Variants in CRACR2A observed in about 807,000 individuals in gnomAD.
CRACR2A encodes the protein EF-hand calcium-binding domain-containing protein 4B.
In CRACR2A, 79 loss-of-function variants were observed where a neutral mutation model predicts 90.5. That is an observed-to-expected ratio of 0.87 (90% CI 0.73 to 1.05). CRACR2A has a LOEUF of 1.05. Ranked by LOEUF, CRACR2A falls within the 50% of genes least tolerant of loss-of-function variation. The pLI is 0.00. For synonymous variants in CRACR2A, 338 were observed against 356.7 expected (o/e 0.95, Z 0.59); for missense variants, 823 against 897.2 (o/e 0.92, Z 1.06).
chr12:3,689,665 T>C (rs1033872565), intron 4 of CRACR2A, among the ~76,000 whole-genome samples: 1 of 152,162 alleles, frequency 6.6e-6, no homozygotes. Flanking sequence ...TTTTTTGTTG[T>C]GTCTCTGCCA....
intron 2 of CRACR2A, among the ~76,000 whole-genome samples, chr12:3,717,527 TA>T (rs895170843): frequency 1.1e-4 from 16 of 152,080 alleles, no homozygotes; most frequent in African/African-American, 3.6e-4. Flanking sequence ...CGGGCTAGGG[TA>T]AGCTCCCTGG....
rs544026469 is a variant in CRACR2A at position 3,719,174 on chromosome 12, C to T, written c.-117-5857G>A. On this transcript the variant is annotated intron_variant, in intron 2 of 19. Transcript: ENST00000440314. ...AAATGGAGGCTGGATTCCAACCAAG[C>T]ACATCTCAAACCCATGCTCTTTCTA... Among the ~76,000 whole-genome samples the T allele has an allele frequency of 4.2e-3, 639 of 152,298 alleles. 8 individuals carry two copies. Among genetic ancestry groups the T allele is most frequent in the African/African-American group, 0.015 (611 of 41,558 alleles).
At chr12:3,729,334 AC>A (rs1268732933) in intron 2 of CRACR2A, 1 of 152,146 alleles carries the variant, frequency 6.6e-6, no homozygotes, top group African/African-American at 2.4e-5. Flanking sequence ...TATCTTTGTC[AC>A]GACTATCATC....
rs552692146 is a variant in CRACR2A, at chr12:3,740,581, T to G, written c.-386-7371A>C. Among the ~76,000 whole-genome samples the G allele has an allele frequency of 3.2e-4, 49 of 152,330 alleles. 1 individual carries two copies. The South Asian group carries it at 9.9e-3, about 31-fold the overall frequency. On this transcript the variant is annotated intron_variant, in intron 1 of 19. Coordinates refer to ENST00000440314, the MANE Select transcript of CRACR2A (RefSeq NM_001144958.2). ...AGTGCCTCCACAGTCATAATTTTAT[T>G]TAATATGCTTGGCCAAGTGTATAAT...
At chr12:3,724,550 C>T (rs1363635118) in intron 2 of CRACR2A, among the ~76,000 whole-genome samples, 1 of 152,272 alleles carries the variant, frequency 6.6e-6, no homozygotes, top group East Asian at 1.9e-4. Flanking sequence ...GTGGTCTAAG[C>T]ATAGGAGAAA....
intron 6 of CRACR2A, among the ~76,000 whole-genome samples, chr12:3,674,224 G>A (rs1366488939): frequency 6.6e-6 from 1 of 152,200 alleles, no homozygotes; most frequent in African/African-American, 2.4e-5. Flanking sequence ...ACCCCACTGT[G>A]GCCTAGTGGC....
chr12:3,678,943 T>C lies in CRACR2A; in HGVS notation c.496A>G (p.Arg166Gly), dbSNP rs1422692128. 10 of 1,612,184 alleles carry C rather than the reference T, an allele frequency of 6.2e-6. No individual in the cohort carries two copies. In the Admixed American group the frequency reaches 1.7e-4, roughly 27 times the overall value. Reference sequence around the variant, plus strand: ...TCCAACACCTTTTGGGCTCCAAGTCTGTCCATCAGCATCCGGAACTGGGCT... The same window carrying C: ...TCCAACACCTTTTGGGCTCCAAGTCCGTCCATCAGCATCCGGAACTGGGCT... The part of the protein sequence containing the change: ...EEAQFRMLMD[R>G]LGAQKVLEDE... Residue 166 changes from arginine to glycine, a missense_variant, in exon 6 of 20, where the codon AGA becomes GGA. Physicochemically the swap from Arg to Gly is moderately radical, Grantham distance 125. Coordinates refer to ENST00000440314, the MANE Select transcript of CRACR2A (RefSeq NM_001144958.2).
rs556343597 is a variant in CRACR2A at position 3,639,354 on chromosome 12, G to A, written c.1272-900C>T. On this transcript the variant is annotated intron_variant, in intron 13 of 19. Coordinates refer to ENST00000440314, the MANE Select transcript of CRACR2A (RefSeq NM_001144958.2). Reference sequence around the variant, plus strand: ...AGGGAATCGGGGAACTGGATGTGGGGGTCAATGCAGGGTCTGTATTTTCAG... The same window carrying A: ...AGGGAATCGGGGAACTGGATGTGGGAGTCAATGCAGGGTCTGTATTTTCAG... 1.3e-4 allele frequency among the ~76,000 whole-genome samples: 20 copies of A among 152,058 alleles called. No homozygotes were observed. The South Asian group carries it at 4.2e-3, about 32-fold the overall frequency.
intron 17 of CRACR2A, among the ~76,000 whole-genome samples, chr12:3,626,612 G>A (rs917256765): frequency 1.3e-5 from 2 of 152,130 alleles, no homozygotes; most frequent in African/African-American, 4.8e-5. Flanking sequence ...GAACAAATAC[G>A]TGAACAAACC....
At chr12:3,659,056 A>G (rs1202875317) in intron 8 of CRACR2A, among the ~76,000 whole-genome samples, 1 of 152,170 alleles carries the variant, frequency 6.6e-6, no homozygotes, top group East Asian at 1.9e-4. Flanking sequence ...CTAAGGGTAA[A>G]GGATAGGTAG....
In CRACR2A at chr12:3,700,545, T is replaced by C. The variant is rs190542823; in HGVS notation, c.-36-3510A>G. 4.6e-3 allele frequency among the ~76,000 whole-genome samples: 698 copies of C among 152,318 alleles called. 6 individuals carry two copies. The highest frequency in any genetic ancestry group is 4.7e-3 in the Non-Finnish European group (317 of 68,026). On this transcript the variant is annotated intron_variant, in intron 3 of 19. Transcript: ENST00000440314. ...TGGAAAAAGATATAACACATTAACATTAGTTAAGAGAATACTGCATATTAA... is the reference window on the plus strand; with the variant it reads ...TGGAAAAAGATATAACACATTAACACTAGTTAAGAGAATACTGCATATTAA...
chr12:3,675,244 G>T (rs1316550931), intron 6 of CRACR2A, among the ~76,000 whole-genome samples: 2 of 152,150 alleles, frequency 1.3e-5, no homozygotes, highest in African/African-American at 4.8e-5. Flanking sequence ...ATTTGTTAGT[G>T]TCATGCTAGC....
chr12:3,705,570 CTT>C (rs1315864003), intron 3 of CRACR2A, among the ~76,000 whole-genome samples: 1 of 152,224 alleles, frequency 6.6e-6, no homozygotes, highest in Admixed American at 6.5e-5. Flanking sequence ...ATTGACATCT[CTT>C]TAACCACCCA....
At chr12:3,752,619 G>T (rs576394794) in intron 1 of CRACR2A, 2 of 152,580 alleles carry the variant, frequency 1.3e-5, no homozygotes, top group African/African-American at 2.4e-5. Flanking sequence ...GCTCCTAGTA[G>T]CACTGACCTG....
At chr12:3,636,259 C>G (rs1466574983) in intron 14 of CRACR2A, among the ~76,000 whole-genome samples, 1 of 152,262 alleles carries the variant, frequency 6.6e-6, no homozygotes, top group Admixed American at 6.5e-5. Flanking sequence ...TTACACCTCA[C>G]CAGCCTTGTA....
chr12:3,739,035 CA>C (rs55870176), intron 1 of CRACR2A, among the ~76,000 whole-genome samples: 23,787 of 147,996 alleles, frequency 0.16, 2,059 homozygotes, highest in African/African-American at 0.21. Context: ...CATTATCTGA[CA>C]AAAAAAAAAC....
chr12:3,666,379 A>ACG, intron 7 of CRACR2A, among the ~76,000 whole-genome samples: 1 of 118,402 alleles, frequency 8.4e-6, no homozygotes, highest in Middle Eastern at 4.3e-3. Flanking sequence ...GTGCGCGCGC[A>ACG]CGCGCGCACA....
rs1944490924 is a variant in CRACR2A, at chr12:3,638,104, AAGGT to A, written c.1602+16_1602+19del. 5 of 1,524,924 alleles carry A rather than the reference AAGGT, an allele frequency of 3.3e-6. No individual in the cohort carries two copies. Among genetic ancestry groups the A allele is most frequent in the Non-Finnish European group, 4.4e-6 (5 of 1,130,212 alleles). The allele number at this position is 1,524,924 out of a possible 1,614,324, so 94.5% of individuals were successfully genotyped here. The stretch of plus-strand genomic sequence containing the variant: ...ATCATAGAAGTGATGTGCATGAACC[AAGGT>A]AGGCTGTGCCCTTACCTTACACAGG... On this transcript the variant is annotated intron_variant, in intron 14 of 19. Transcript: ENST00000440314.
intron 6 of CRACR2A, among the ~76,000 whole-genome samples, chr12:3,676,090 C>T (rs1469586263): frequency 8.5e-6 from 1 of 118,258 alleles, no homozygotes; most frequent in Non-Finnish European, 1.8e-5. Context: ...CATCCGCGTA[C>T]TTATTTAGAC....
Sources: gnomAD v4.1 joint callset for allele counts (sites outside exome capture counted in the v4.1 genomes callset) on GRCh38, gnomAD v4.1.1 for gene constraint, MANE v1.5 for transcripts, NCBI Gene and HGNC (gene_info 2026-07-23, HGNC 2026-07-21) for gene names.